SPIRE1: variants seen among roughly 807,000 people sequenced by gnomAD.
SPIRE1 encodes spire type actin nucleation factor 1.
Under a neutral mutation model 94.1 loss-of-function variants are expected in SPIRE1, and 40 were observed. The observed-to-expected ratio is 0.43, with a 90% CI of 0.33 to 0.55. SPIRE1 has a LOEUF of 0.55. Ranked by LOEUF, SPIRE1 falls within the 20% of genes least tolerant of loss-of-function variation. The pLI, the probability that SPIRE1 is intolerant of heterozygous loss-of-function variation, is 0.06. For missense variants in SPIRE1, 838 were observed against 975.2 expected (o/e 0.86, Z 1.87); for synonymous variants, 376 against 371.7 (o/e 1.01, Z -0.13).
At chr18:12,545,369 T>C (rs1488297806) in intron 3 of SPIRE1, among the ~76,000 whole-genome samples, 1 of 152,176 alleles carries the variant, frequency 6.6e-6, no homozygotes, top group Non-Finnish European at 1.5e-5. Flanking sequence ...TCCAGAGTCC[T>C]TGAGAGTTGT....
chr18:12,639,869 T>TA (rs562155267), intron 1 of SPIRE1, among the ~76,000 whole-genome samples: 1,801 of 142,390 alleles, frequency 0.013, 7 homozygotes, highest in Admixed American at 0.017. Flanking sequence ...ACATTGTCTT[T>TA]AAAAAAAAAA....
At chr18:12,611,865 A>G (rs1014298142) in intron 2 of SPIRE1, among the ~76,000 whole-genome samples, 5 of 151,454 alleles carry the variant, frequency 3.3e-5, no homozygotes, top group African/African-American at 1.2e-4. Flanking sequence ...GTAGAGAAGA[A>G]GTCTCACTAT....
rs905145479 is a variant in SPIRE1 at position 12,523,317 on chromosome 18, G to T, written c.730-10786C>A. Among the ~76,000 whole-genome samples the T allele has an allele frequency of 2.0e-5, 3 of 152,220 alleles. No individual in the cohort carries two copies. The East Asian group carries it at 5.8e-4, about 29-fold the overall frequency. ...ATGAGGAGTTGTTTCTTATGGATGA[G>T]CAAGGAAAGTAGTTTACTGACATGG... On this transcript the variant is annotated intron_variant, in intron 4 of 16. Coordinates refer to ENST00000409402, the MANE Select transcript of SPIRE1 (RefSeq NM_001128626.2).
At chr18:12,544,808 A>G (rs535585344) in intron 3 of SPIRE1, among the ~76,000 whole-genome samples, 119 of 152,378 alleles carry the variant, frequency 7.8e-4, no homozygotes, top group African/African-American at 2.8e-3. Flanking sequence ...AATGTCATTG[A>G]ATAAGAATTT....
At chr18:12,512,415 TAGAC>T in intron 5 of SPIRE1, 35 bp downstream of exon 5, 1 of 1,438,280 alleles carries the variant, frequency 7.0e-7, no homozygotes, top group Non-Finnish European at 9.6e-7. Context: ...TACTATTTCT[TAGAC>T]AGTAAACAGA....
intron 2 of SPIRE1, among the ~76,000 whole-genome samples, chr18:12,633,802 C>A (rs2037844741): frequency 6.6e-6 from 1 of 152,194 alleles, no homozygotes; most frequent in Non-Finnish European, 1.5e-5. Flanking sequence ...ACACCCAACA[C>A]CCCCAATCTA....
intron 16 of SPIRE1, chr18:12,451,043 GA>G: frequency 2.1e-6 from 1 of 481,792 alleles, no homozygotes; most frequent in East Asian, 4.2e-5. Context: ...GGAGGAGGAG[GA>G]GGAGGATGAA....
chr18:12,658,231 C>T (rs1013770363), upstream of SPIRE1: 1 of 512,694 alleles, frequency 2.0e-6, no homozygotes, highest in Admixed American at 2.4e-5. Context: ...GAGGGCCTCG[C>T]CTCGAGGCGA....
chr18:12,490,976 G>A (rs2033213013), intron 8 of SPIRE1, among the ~76,000 whole-genome samples: 1 of 152,172 alleles, frequency 6.6e-6, no homozygotes, highest in African/African-American at 2.4e-5. Context: ...TGGAAAGAAA[G>A]TAATAAAAGT....
At chr18:12,502,157 G>A (rs2033687374) in intron 6 of SPIRE1, among the ~76,000 whole-genome samples, 1 of 151,926 alleles carries the variant, frequency 6.6e-6, no homozygotes, top group African/African-American at 2.4e-5. Flanking sequence ...AACTTCGAAA[G>A]GAACCTATAA....
chr18:12,450,113 G>A (rs111972012), intron 16 of SPIRE1, among the ~76,000 whole-genome samples: 7 of 151,734 alleles, frequency 4.6e-5, no homozygotes, highest in Non-Finnish European at 7.4e-5. Flanking sequence ...GGTGGCTCAC[G>A]CCTGTAATCC....
chr18:12,640,544 T>C (rs771441546), intron 1 of SPIRE1, among the ~76,000 whole-genome samples: 3 of 152,210 alleles, frequency 2.0e-5, no homozygotes, highest in Non-Finnish European at 4.4e-5. Context: ...TTACATTTTA[T>C]TGAACACAGC....
At chr18:12,512,919 T>C (rs757479421) in intron 4 of SPIRE1, among the ~76,000 whole-genome samples, 1 of 152,152 alleles carries the variant, frequency 6.6e-6, no homozygotes, top group Non-Finnish European at 1.5e-5. Context: ...GGCTGGTCTC[T>C]TTCATTGTCT....
At chr18:12,540,224 C>T (rs1203412503) in intron 3 of SPIRE1, among the ~76,000 whole-genome samples, 7 of 152,184 alleles carry the variant, frequency 4.6e-5, no homozygotes, top group Non-Finnish European at 1.5e-5. Flanking sequence ...GCTTTTCCTT[C>T]CACTTTGTTT....
chr18:12,485,106 CTTTT>C (rs71371264), intron 9 of SPIRE1, among the ~76,000 whole-genome samples: 1 of 133,906 alleles, frequency 7.5e-6, no homozygotes. Flanking sequence ...TTTTTATACT[CTTTT>C]TTTTTTTTTT....
intron 5 of SPIRE1, among the ~76,000 whole-genome samples, chr18:12,510,197 G>A (rs2033991438): frequency 1.3e-5 from 2 of 151,950 alleles, no homozygotes; most frequent in South Asian, 4.1e-4. Flanking sequence ...TAATTGCCTA[G>A]AAACTGGGGA....
intron 2 of SPIRE1, among the ~76,000 whole-genome samples, chr18:12,611,098 G>A (rs1316586777): frequency 6.6e-6 from 1 of 152,076 alleles, no homozygotes; most frequent in Non-Finnish European, 1.5e-5. Flanking sequence ...CGTTACTGGT[G>A]CAACAAACAA....
intron 4 of SPIRE1, among the ~76,000 whole-genome samples, chr18:12,535,169 G>T (rs1051013759): frequency 6.6e-5 from 10 of 152,294 alleles, no homozygotes; most frequent in African/African-American, 1.9e-4. Context: ...CGACAGAAAG[G>T]GGGTGGAAAG....
chr18:12,501,428 C>A (rs552865520), intron 6 of SPIRE1, among the ~76,000 whole-genome samples: 1 of 152,156 alleles, frequency 6.6e-6, no homozygotes, highest in East Asian at 1.9e-4. Flanking sequence ...TCTGCCGTCA[C>A]GCTGGAGTAC....
Sources: allele counts gnomAD v4.1 joint callset (sites outside exome capture counted in the v4.1 genomes callset), GRCh38; gene constraint gnomAD v4.1.1; transcripts MANE v1.5; gene names NCBI Gene and HGNC (gene_info 2026-07-23, HGNC 2026-07-21).